The following PAK5 variants were observed in gnomAD, a reference collection of about 807,000 sequenced individuals.
PAK5 encodes serine/threonine-protein kinase PAK 5.
A neutral mutation model predicts 65.9 loss-of-function variants in PAK5; 16 were observed. The observed-to-expected ratio is 0.24, with a 90% CI of 0.16 to 0.37. PAK5 has a LOEUF of 0.37. PAK5 is among the 10% of genes least tolerant of loss of function. PAK5 has a pLI of 1.00. For missense variants in PAK5, 785 were observed against 903.9 expected (o/e 0.87, Z 1.69); for synonymous variants, 371 against 354.9 (o/e 1.05, Z -0.51).
intron 3 of PAK5, among the ~76,000 whole-genome samples, chr20:9,610,695 C>T (rs1195239463): frequency 1.3e-5 from 2 of 152,140 alleles, no homozygotes; most frequent in African/African-American, 4.8e-5. Context: ...TCTGGCGTGT[C>T]CCTCCCTCGG....
chr20:9,782,829 G>A (rs1424689955), intron 1 of PAK5, among the ~76,000 whole-genome samples: 1 of 152,136 alleles, frequency 6.6e-6, no homozygotes. Flanking sequence ...GGGTCCCAGA[G>A]GAGGCCCCAC....
chr20:9,580,149 G>A lies in PAK5; in HGVS notation c.986C>T (p.Pro329Leu), dbSNP rs577793135. The change falls in exon 4 of 10, where the codon CCA becomes CTA. Residue 329 changes from proline (P) to leucine (L), a missense_variant. This residue lies in a region of PAK5 where 422 missense variants were observed against 413.3 expected (regional missense o/e 1.02). Transcript: ENST00000353224. ...PRLSEPTMCI[P>L]KVDYDRAQMV... ...AAAGGAGGTAGCAAACGTTACCTTT[G>A]GAATGCACATTGTGGGCTCGGACAA... 40 of 1,602,542 alleles carry A rather than the reference G, an allele frequency of 2.5e-5. No homozygotes were observed. The South Asian group carries it at 4.1e-4, about 16-fold the overall frequency.
intron 1 of PAK5, among the ~76,000 whole-genome samples, chr20:9,765,238 AT>A (rs1365648373): frequency 6.6e-6 from 1 of 151,974 alleles, no homozygotes; most frequent in Non-Finnish European, 1.5e-5. Flanking sequence ...GAATTTGGGG[AT>A]TTTTTTTAAC....
At chr20:9,544,689 C>A (rs1461698612) in intron 7 of PAK5, among the ~76,000 whole-genome samples, 195 bp from the exon 8 acceptor site, 1 of 152,064 alleles carries the variant, frequency 6.6e-6, no homozygotes, top group Non-Finnish European at 1.5e-5. Context: ...TTCTCCCGGG[C>A]CCACCAGGAT....
At chr20:9,592,337 C>T (rs2046187462) in intron 3 of PAK5, among the ~76,000 whole-genome samples, 2 of 152,198 alleles carry the variant, frequency 1.3e-5, no homozygotes, top group Admixed American at 6.5e-5. Context: ...GTACCTTAGT[C>T]AGCTTTACCA....
intron 1 of PAK5, among the ~76,000 whole-genome samples, chr20:9,797,159 C>T (rs1396236922): frequency 3.3e-5 from 5 of 151,596 alleles, no homozygotes; most frequent in African/African-American, 9.7e-5. Flanking sequence ...AGCATTTTTT[C>T]ATGTGTCTGT....
chr20:9,690,282 A>T (rs777611654), intron 2 of PAK5, among the ~76,000 whole-genome samples: 22 of 152,216 alleles, frequency 1.4e-4, no homozygotes, highest in Non-Finnish European at 2.9e-4. Context: ...GCTGTTCTTC[A>T]ATATGGACTG....
intron 3 of PAK5, among the ~76,000 whole-genome samples, chr20:9,635,396 C>T (rs2046971288): frequency 6.6e-6 from 1 of 152,166 alleles, no homozygotes; most frequent in Non-Finnish European, 1.5e-5. Context: ...ATAGCAAACT[C>T]CTGACTGTGG....
At chr20:9,740,287 AT>A (rs1379934521) in intron 1 of PAK5, among the ~76,000 whole-genome samples, 1 of 152,080 alleles carries the variant, frequency 6.6e-6, no homozygotes, top group East Asian at 1.9e-4. Flanking sequence ...CCAGGGGCTT[AT>A]TTGGGGAGTG....
intron 4 of PAK5, among the ~76,000 whole-genome samples, chr20:9,572,846 G>C (rs893565242): frequency 1.3e-5 from 2 of 152,150 alleles, no homozygotes; most frequent in African/African-American, 4.8e-5. Context: ...TTTTGTGAAC[G>C]AGTAACTCCT....
At chr20:9,785,244 C>A (rs2048980622) in intron 1 of PAK5, among the ~76,000 whole-genome samples, 1 of 152,128 alleles carries the variant, frequency 6.6e-6, no homozygotes, top group Non-Finnish European at 1.5e-5. Flanking sequence ...AGTCATTTTT[C>A]TCCCCAAAGG....
chr20:9,539,783 C>T (rs993694988), intron 9 of PAK5, among the ~76,000 whole-genome samples, 166 bp from the exon 10 acceptor site: 10 of 152,200 alleles, frequency 6.6e-5, no homozygotes, highest in Admixed American at 6.5e-5. Context: ...GTTAACATTT[C>T]GTGTTTTCCT....
At position 9,537,384 on chromosome 20, in the gene PAK5, A is replaced by G. The variant is rs556359995; in HGVS notation, c.*2078T>C. The G allele has an allele frequency of 5.2e-6, 1 of 191,862 alleles. No individual in the cohort carries two copies. The highest frequency in any genetic ancestry group is 8.3e-5 in the East Asian group (1 of 12,116). 11.9% of individuals were successfully genotyped at this position (191,862 alleles called of 1,614,324 possible). ...AGAAATCACTGTTTCCAATAACACA[A>G]TGGGGAAAAGGCAAACATTTATTTT... On this transcript the variant is annotated 3_prime_UTR_variant, in exon 10 of 10. Coordinates refer to ENST00000353224, the MANE Select transcript of PAK5 (RefSeq NM_177990.4).
chr20:9,557,481 G>T, intron 7 of PAK5, 127 bp downstream of exon 7: 1 of 697,474 alleles, frequency 1.4e-6, no homozygotes. Flanking sequence ...AGTGTTCTGG[G>T]AAGAGAAGTA....
chr20:9,733,440 CTCTT>C (rs2048355652), intron 1 of PAK5, among the ~76,000 whole-genome samples: 1 of 151,734 alleles, frequency 6.6e-6, no homozygotes. Context: ...TTCTCTCTCT[CTCTT>C]TTTCTCTCTT....
At position 9,664,244 on chromosome 20, in the gene PAK5, C is replaced by T. The variant is rs989037557; in HGVS notation, c.-11-19905G>A. 5.3e-5 allele frequency among the ~76,000 whole-genome samples: 8 copies of T among 152,262 alleles called. No individual in the cohort carries two copies. The East Asian group carries it at 1.4e-3, about 26-fold the overall frequency. ...ATAGATCCTAACCAAGAGTGTAGAG[C>T]TTTAATGTAAACTGAAAGGAACTCA... On this transcript the variant is annotated intron_variant, in intron 2 of 9. Transcript: ENST00000353224.
chr20:9,658,813 T>G (rs761501339), intron 2 of PAK5, among the ~76,000 whole-genome samples: 2 of 152,168 alleles, frequency 1.3e-5, no homozygotes, highest in Non-Finnish European at 2.9e-5. Flanking sequence ...AAAAATATTT[T>G]TAAAGATGAG....
chr20:9,634,895 T>C (rs2046965443), intron 3 of PAK5, among the ~76,000 whole-genome samples: 1 of 152,122 alleles, frequency 6.6e-6, no homozygotes, highest in African/African-American at 2.4e-5. Flanking sequence ...AATGTGAGTG[T>C]CCAAGTCCAT....
chr20:9,770,258 G>A (rs565486363), intron 1 of PAK5, among the ~76,000 whole-genome samples: 43 of 152,304 alleles, frequency 2.8e-4, no homozygotes, highest in African/African-American at 1.0e-3. Context: ...GAGCGCAGAT[G>A]AGTGCAGATG....
Sources: gnomAD v4.1 joint callset for allele counts (sites outside exome capture counted in the v4.1 genomes callset) on GRCh38, gnomAD v4.1.1 for gene constraint, gnomAD v4.1.1 regional missense constraint, MANE v1.5 for transcripts, NCBI Gene and HGNC (gene_info 2026-07-23, HGNC 2026-07-21) for gene names.